Variants in HSD17B4 observed in about 807,000 individuals in gnomAD.
The protein encoded by HSD17B4 is hydroxysteroid 17-beta dehydrogenase 4.
In HSD17B4, 70 loss-of-function variants were observed where a neutral mutation model predicts 101.0. That is an observed-to-expected ratio of 0.69 (90% confidence interval 0.57 to 0.85). The LOEUF (loss-of-function observed/expected upper bound fraction) is 0.85, where lower values mean the gene tolerates loss of function less well. Among genes scored for constraint, HSD17B4 ranks in the 40% least tolerant of loss-of-function variants. HSD17B4 has a pLI of 0.00. For synonymous variants in HSD17B4, 347 were observed against 297.1 expected, an observed-to-expected ratio of 1.17 and a Z score of -1.73; for missense variants, 984 against 892.4, an observed-to-expected ratio of 1.10 and a Z score of -1.31.
intron 2 of HSD17B4, among the ~76,000 whole-genome samples, chr5:119,462,713 CTTT>C: frequency 6.6e-6 from 1 of 152,064 alleles, no homozygotes; most frequent in East Asian, 1.9e-4. Context: ...CAATGATTTT[CTTT>C]TCTTATTATT....
rs972935670 is a variant in HSD17B4 at position 119,452,517 on chromosome 5, C to T, written c.-59C>T. ...CCGCCATTCCCCGCCTCCTCCTGTCCCGCAGTCGGCGTCCAGCGGCTCTGC... is the reference window on the plus strand; with the variant it reads ...CCGCCATTCCCCGCCTCCTCCTGTCTCGCAGTCGGCGTCCAGCGGCTCTGC... On this transcript the variant is annotated 5_prime_UTR_variant, in exon 1 of 24. Transcript: ENST00000510025. 17 of 1,612,986 alleles carry T rather than the reference C, an allele frequency of 1.1e-5. No individual in the cohort carries two copies. The African/African-American group carries it at 2.1e-4, about 20-fold the overall frequency.
intron 8 of HSD17B4, among the ~76,000 whole-genome samples, chr5:119,488,632 A>T (rs544942228): frequency 2.7e-3 from 414 of 152,258 alleles, no homozygotes; most frequent in African/African-American, 9.5e-3. Context: ...ATTAATTTTT[A>T]AAAAGTTCAA....
intron 23 of HSD17B4, among the ~76,000 whole-genome samples, chr5:119,539,109 G>A (rs1207537081): frequency 6.6e-6 from 1 of 151,706 alleles, no homozygotes; most frequent in African/African-American, 2.4e-5. Flanking sequence ...TAAATCGAGG[G>A]AAAAAAATAA....
rs186719511 is a variant in HSD17B4, at chr5:119,488,574, G to A, written c.623-618G>A. ...GATTTGGTCGTTACACATTGTATAA[G>A]GTATCAAAATATCACATGCACCTTC... is the stretch of plus-strand genomic sequence containing the variant. On this transcript the variant is annotated intron_variant, in intron 8 of 23. Transcript: ENST00000510025. 5.9e-5 allele frequency among the ~76,000 whole-genome samples: 9 copies of A among 152,148 alleles called. No individual in the cohort carries two copies. In the East Asian group the frequency reaches 1.7e-3, roughly 29 times the overall value.
chr5:119,535,587 TA>T (rs1316629702), intron 22 of HSD17B4, among the ~76,000 whole-genome samples: 2 of 151,280 alleles, frequency 1.3e-5, no homozygotes, highest in African/African-American at 4.8e-5. Flanking sequence ...AACACAAAAG[TA>T]ATATGCTCTT....
intron 14 of HSD17B4, among the ~76,000 whole-genome samples, chr5:119,503,076 TTGTGTGTGTGTGTG>T (rs759039800): frequency 2.1e-5 from 3 of 140,640 alleles, no homozygotes; most frequent in South Asian, 2.4e-4. Context: ...ACCTTGGAAA[TTGTGTGTGTGTGTG>T]TGTGTGTGTG....
intron 20 of HSD17B4, among the ~76,000 whole-genome samples, chr5:119,529,548 C>T (rs959859819): frequency 6.6e-6 from 1 of 152,018 alleles, no homozygotes. Flanking sequence ...CCCCTGATCC[C>T]CACTTCCCCC....
chr5:119,474,259 T>A, intron 3 of HSD17B4, 142 bp from the exon 4 acceptor site: 1 of 729,656 alleles, frequency 1.4e-6, no homozygotes, highest in Non-Finnish European at 2.5e-6. Flanking sequence ...ATGATATAAT[T>A]AGTAAATTAT....
At chr5:119,501,794 G>A (rs1309929022) in intron 13 of HSD17B4, among the ~76,000 whole-genome samples, 2 of 152,134 alleles carry the variant, frequency 1.3e-5, no homozygotes, top group Non-Finnish European at 2.9e-5. Context: ...CAGTCAACAA[G>A]GCTTTATGAA....
intron 8 of HSD17B4, among the ~76,000 whole-genome samples, chr5:119,484,533 A>ATTTC (rs1749439073): frequency 1.3e-5 from 2 of 152,174 alleles, no homozygotes; most frequent in African/African-American, 4.8e-5. Flanking sequence ...ATAGTTGACT[A>ATTTC]TGGAGAACTG....
rs1366517649 is a variant in HSD17B4, at chr5:119,455,564, C to CTATA, written c.59-750_59-749insATAT. Among the ~76,000 whole-genome samples, 974 of 126,196 alleles carry CTATA rather than the reference C, an allele frequency of 7.7e-3. 5 individuals are homozygous for CTATA. The highest frequency in any genetic ancestry group is 0.016 in the East Asian group (71 of 4,358). The allele number at this position is 126,196 out of a possible 152,430, so 82.8% of individuals were successfully genotyped here. On this transcript the variant is annotated intron_variant, in intron 1 of 23. Coordinates refer to ENST00000510025, the MANE Select transcript of HSD17B4 (RefSeq NM_000414.4). Reference sequence around the variant, plus strand: ...ACTTTCTCTCTCTCTCTCTCTCTCTCTCTCTATATATATATATATAATTTC... The same window carrying CTATA: ...ACTTTCTCTCTCTCTCTCTCTCTCTCTATATCTCTATATATATATATATAATTTC...
At chr5:119,498,318 C>T (rs947291961) in intron 12 of HSD17B4, among the ~76,000 whole-genome samples, 3 of 152,112 alleles carry the variant, frequency 2.0e-5, no homozygotes, top group Non-Finnish European at 2.9e-5. Flanking sequence ...ATATTTTAGG[C>T]TCTGTGGGCT....
intron 2 of HSD17B4, among the ~76,000 whole-genome samples, chr5:119,461,709 C>T (rs979813242): frequency 1.7e-4 from 24 of 144,622 alleles, no homozygotes; most frequent in African/African-American, 3.6e-4. Context: ...TAGCAAGGCC[C>T]GCTGTCTTTG....
intron 2 of HSD17B4, among the ~76,000 whole-genome samples, chr5:119,466,584 A>G (rs776666011): frequency 6.6e-6 from 1 of 152,096 alleles, no homozygotes; most frequent in Non-Finnish European, 1.5e-5. Flanking sequence ...TTGTTGGCGT[A>G]GAGTTGTTGT....
intron 2 of HSD17B4, among the ~76,000 whole-genome samples, chr5:119,465,742 C>G (rs1755743008): frequency 6.6e-6 from 1 of 152,086 alleles, no homozygotes. Flanking sequence ...TTAGGTTTTT[C>G]TATATGTAGG....
intron 2 of HSD17B4, among the ~76,000 whole-genome samples, chr5:119,460,374 A>G (rs1389496606): frequency 3.3e-5 from 5 of 152,248 alleles, no homozygotes; most frequent in Non-Finnish European, 7.3e-5. Context: ...GATCATAAGA[A>G]GGCACATGTG....
intron 16 of HSD17B4, among the ~76,000 whole-genome samples, chr5:119,510,338 C>T (rs534973853): frequency 1.3e-5 from 2 of 152,150 alleles, no homozygotes; most frequent in African/African-American, 2.4e-5. Context: ...CTAAGTATTT[C>T]TCTTATGCAA....
At chr5:119,535,654 A>G (rs1268261852) in intron 22 of HSD17B4, 1 of 142,820 alleles carries the variant, frequency 7.0e-6, no homozygotes, top group African/African-American at 2.5e-5. Flanking sequence ...TGTGTTTGTT[A>G]TTACTAATAT....
intron 21 of HSD17B4, among the ~76,000 whole-genome samples, chr5:119,530,778 G>A (rs1371875755): frequency 2.0e-5 from 3 of 149,072 alleles, no homozygotes; most frequent in African/African-American, 7.5e-5. Context: ...ACGGGAACCC[G>A]GGAGGTGGAG....
Sources: gnomAD v4.1 joint callset for allele counts (sites outside exome capture counted in the v4.1 genomes callset) on GRCh38, gnomAD v4.1.1 for gene constraint, MANE v1.5 for transcripts, NCBI Gene and HGNC (gene_info 2026-07-23, HGNC 2026-07-21) for gene names.